Variants in ZNF385D observed in about 807,000 individuals in gnomAD.
The protein encoded by ZNF385D is zinc finger protein 659.
Under a neutral mutation model 35.8 loss-of-function variants are expected in ZNF385D, and 15 were observed. The observed-to-expected ratio is 0.42, with a 90% confidence interval of 0.28 to 0.64. ZNF385D has a LOEUF of 0.64. Among genes scored for constraint, ZNF385D ranks in the 30% least tolerant of loss-of-function variants. The probability of loss-of-function intolerance (pLI) is 0.23; values close to 1 mark genes in which losing one functional copy is unlikely to be tolerated. For synonymous variants in ZNF385D, 212 were observed against 186.8 expected (o/e 1.13, Z -1.10); for missense variants, 474 against 494.6 (o/e 0.96, Z 0.39).
chr3:22,236,166 T>A (rs1406593501), intron 2 of ZNF385D, among the ~76,000 whole-genome samples: 1 of 152,154 alleles, frequency 6.6e-6, no homozygotes, highest in African/African-American at 2.4e-5. Context: ...TAAGTAATGG[T>A]ATAATCCAGG....
chr3:22,292,159 T>C (rs977664284), intron 2 of ZNF385D, among the ~76,000 whole-genome samples: 1 of 152,066 alleles, frequency 6.6e-6, no homozygotes, highest in Non-Finnish European at 1.5e-5. Flanking sequence ...ACCTTTATTA[T>C]TTTCAAACTT....
chr3:21,836,374 A>T (rs1234149166), intron 3 of ZNF385D, among the ~76,000 whole-genome samples: 1 of 152,126 alleles, frequency 6.6e-6, no homozygotes, highest in Non-Finnish European at 1.5e-5. Context: ...CTTAGGACAT[A>T]GATACCTTTA....
intron 3 of ZNF385D, among the ~76,000 whole-genome samples, chr3:21,953,130 A>T (rs986353921): frequency 1.3e-5 from 2 of 151,780 alleles, no homozygotes; most frequent in African/African-American, 4.8e-5. Context: ...TGCTGGCCAG[A>T]TTTTCCTCAA....
At chr3:22,038,244 A>G (rs543073713) in intron 3 of ZNF385D, among the ~76,000 whole-genome samples, 8 of 152,278 alleles carry the variant, frequency 5.3e-5, no homozygotes, top group Non-Finnish European at 5.9e-5. Context: ...AACATTCAAG[A>G]AAGATAAAAA....
At chr3:22,202,149 C>A (rs2695629) in intron 2 of ZNF385D, among the ~76,000 whole-genome samples, 75,241 of 151,770 alleles carry the variant, frequency 0.5, 19,056 homozygotes, top group Middle Eastern at 0.62. Flanking sequence ...TCTATGTATT[C>A]ATAGTTAACT....
At chr3:21,955,282 A>G (rs968674188) in intron 3 of ZNF385D, among the ~76,000 whole-genome samples, 3 of 152,066 alleles carry the variant, frequency 2.0e-5, no homozygotes, top group Non-Finnish European at 2.9e-5. Flanking sequence ...GATATAGGAG[A>G]TGGAAACTAA....
At chr3:22,283,241 T>C (rs1287554190) in intron 2 of ZNF385D, among the ~76,000 whole-genome samples, 1 of 152,062 alleles carries the variant, frequency 6.6e-6, no homozygotes. Flanking sequence ...GTGGGGGACT[T>C]CAGTACTCCA....
intron 3 of ZNF385D, among the ~76,000 whole-genome samples, chr3:21,972,390 A>G (rs1454310622): frequency 6.6e-6 from 1 of 152,012 alleles, no homozygotes; most frequent in Admixed American, 6.6e-5. Flanking sequence ...AAGCAAATAA[A>G]AATGGAAATA....
chr3:21,680,819 TA>T (rs2066875428), intron 1 of ZNF385D, among the ~76,000 whole-genome samples: 1 of 151,022 alleles, frequency 6.6e-6, no homozygotes, highest in African/African-American at 2.4e-5. Context: ...TTTAGTTGGT[TA>T]TTTTTTTTTC....
intron 3 of ZNF385D, among the ~76,000 whole-genome samples, chr3:22,146,242 C>T (rs1704845280): frequency 6.6e-6 from 1 of 152,060 alleles, no homozygotes; most frequent in African/African-American, 2.4e-5. Context: ...CATTGTTTCA[C>T]CAAACAGAAA....
intron 4 of ZNF385D, 61 bp downstream of exon 4, chr3:21,510,800 C>T (rs933594193): frequency 6.2e-7 from 1 of 1,601,276 alleles, no homozygotes. Flanking sequence ...TGGGGCTAGA[C>T]AAGGGAGGGA....
At chr3:21,472,790 C>A (rs1402709713) in intron 4 of ZNF385D, among the ~76,000 whole-genome samples, 1 of 152,006 alleles carries the variant, frequency 6.6e-6, no homozygotes, top group African/African-American at 2.4e-5. Flanking sequence ...AAGCTGTAAC[C>A]AATCGAGTTG....
intron 3 of ZNF385D, among the ~76,000 whole-genome samples, chr3:21,897,678 A>T (rs894141434): frequency 6.6e-6 from 1 of 152,140 alleles, no homozygotes; most frequent in Admixed American, 6.6e-5. Context: ...GGATTGGATG[A>T]CATGTTCAGA....
At chr3:22,232,604 G>T (rs919731401) in intron 2 of ZNF385D, among the ~76,000 whole-genome samples, 1 of 151,992 alleles carries the variant, frequency 6.6e-6, no homozygotes, top group Non-Finnish European at 1.5e-5. Flanking sequence ...TGTTCTCATT[G>T]TTCAGCTCCC....
rs1199662864 is a variant in ZNF385D at position 21,416,015 on chromosome 3, C to CTTTTTTTTTTTTTT, written c.*5185_*5198dup. 1.7e-4 allele frequency: 5 copies of CTTTTTTTTTTTTTT among 29,446 alleles called. 2 individuals carry two copies. The East Asian group carries it at 0.042, about 245-fold the overall frequency. The allele number at this position is 29,446 out of a possible 1,614,324, so 1.8% of individuals were successfully genotyped here. A position where few individuals can be genotyped will look rare whatever the true frequency, so the allele number is the denominator to read the frequency against. On this transcript the variant is annotated 3_prime_UTR_variant, in exon 8 of 8. Transcript: ENST00000281523. ...GACTCTTCATGACCTGCATGAACTT[C>CTTTTTTTTTTTTTT]TTTTTTTTTTTTTTTTTTTTTTTTT...
chr3:21,746,341 G>A (rs2069769608), intron 1 of ZNF385D, among the ~76,000 whole-genome samples: 1 of 152,156 alleles, frequency 6.6e-6, no homozygotes, highest in Non-Finnish European at 1.5e-5. Flanking sequence ...TTAAGGATGT[G>A]ATAAGGAATC....
At chr3:22,077,096 TA>T (rs1700501720) in intron 3 of ZNF385D, among the ~76,000 whole-genome samples, 1 of 152,000 alleles carries the variant, frequency 6.6e-6, no homozygotes, top group Non-Finnish European at 1.5e-5. Flanking sequence ...TAAGGAAAAT[TA>T]AAAATATATA....
chr3:21,966,869 G>A (rs562581838), intron 3 of ZNF385D, among the ~76,000 whole-genome samples: 6 of 152,142 alleles, frequency 3.9e-5, no homozygotes, highest in South Asian at 2.1e-4. Context: ...GGATTATAGC[G>A]CTGCGATTAT....
At chr3:21,522,069 C>T (rs990276426) in intron 3 of ZNF385D, among the ~76,000 whole-genome samples, 2 of 152,054 alleles carry the variant, frequency 1.3e-5, no homozygotes, top group African/African-American at 4.8e-5. Flanking sequence ...CAATTCGGTG[C>T]CCTGGCTGAA....
Sources: allele counts gnomAD v4.1 joint callset (sites outside exome capture counted in the v4.1 genomes callset), GRCh38; gene constraint gnomAD v4.1.1; transcripts MANE v1.5; gene names NCBI Gene and HGNC (gene_info 2026-07-23, HGNC 2026-07-21).